The following SLC12A7 variants were observed in gnomAD, a reference collection of about 807,000 sequenced individuals.
SLC12A7 encodes solute carrier family 12 member 7, also known as K-Cl cotransporter 4.
SLC12A7 carries 100 observed loss-of-function variants against 120.6 expected under a neutral mutation model. The ratio of observed to expected loss-of-function variants is 0.83; its 90% CI spans 0.71 to 0.98. SLC12A7 has a LOEUF of 0.98. Among genes scored for constraint, SLC12A7 ranks in the 50% least tolerant of loss-of-function variants. The pLI is 0.00. For synonymous variants in SLC12A7, 760 were observed against 678.0 expected, an observed-to-expected ratio of 1.12 and a Z score of -1.88; for missense variants, 1,373 against 1,548.1, an observed-to-expected ratio of 0.89 and a Z score of 1.90.
rs1294057156 is a variant in SLC12A7 at position 1,057,519 on chromosome 5, C to T, written c.2978G>A (p.Ser993Asn). 1 of 1,613,412 alleles carries T rather than the reference C, an allele frequency of 6.2e-7. No homozygotes were observed. Among genetic ancestry groups the T allele is most frequent in the Admixed American group, 1.7e-5 (1 of 60,008 alleles). The part of the protein sequence containing the change: ...REKLIAEKYR[S>N]RDTSLSGFKD... ...GAAACCAGATAGGCTGGTGTCTCTG[C>T]TCCTGTACTTCTCAGCGATCAGCTT... Residue 993 changes from serine (S) to asparagine (N), a missense_variant, in exon 22 of 24, where the codon AGC (serine) becomes AAC (asparagine). Ser to Asn is a conservative substitution (Grantham distance 46). Coordinates refer to ENST00000264930, the MANE Select transcript of SLC12A7 (RefSeq NM_006598.3).
chr5:1,068,051 C>T (rs981623152), intron 17 of SLC12A7, among the ~76,000 whole-genome samples: 15 of 152,222 alleles, frequency 9.9e-5, no homozygotes, highest in African/African-American at 3.6e-4. Context: ...CAGTGCCACA[C>T]AGAACAGAGC....
At chr5:1,154,499 A>G in the SLC12A7 span, among the ~76,000 whole-genome samples, 3 of 151,972 alleles carry the variant, frequency 2.0e-5, no homozygotes, top group African/African-American at 4.8e-5. Flanking sequence ...ACATCACACT[A>G]TAGACATATA....
the SLC12A7 span, among the ~76,000 whole-genome samples, chr5:1,119,837 C>T: frequency 6.6e-6 from 1 of 152,260 alleles, no homozygotes; most frequent in East Asian, 1.9e-4. Flanking sequence ...GGGGCGGTGC[C>T]CAGCTTTGGG....
chr5:1,065,247 G>A, intron 18 of SLC12A7, 36 bp downstream of exon 18: 2 of 1,476,782 alleles, frequency 1.4e-6, no homozygotes, highest in Non-Finnish European at 1.8e-6. Context: ...AGAGGGGACG[G>A]TGAGGGGATG....
At chr5:1,107,185 G>A (rs749148195) in intron 1 of SLC12A7, among the ~76,000 whole-genome samples, 3 of 152,176 alleles carry the variant, frequency 2.0e-5, no homozygotes, top group Non-Finnish European at 4.4e-5. Flanking sequence ...GAATATTCAA[G>A]TTCTCAGCCT....
chr5:1,120,518 A>G, the SLC12A7 span, among the ~76,000 whole-genome samples: 1 of 152,218 alleles, frequency 6.6e-6, no homozygotes, highest in Non-Finnish European at 1.5e-5. Context: ...CTCCCCACAC[A>G]ACTGGAGGTC....
At chr5:1,096,013 T>C (rs1741098688) in intron 1 of SLC12A7, among the ~76,000 whole-genome samples, 1 of 152,066 alleles carries the variant, frequency 6.6e-6, no homozygotes, top group East Asian at 1.9e-4. Context: ...AAGCTCCAGG[T>C]GACAGAGACG....
At chr5:1,127,227 A>G in the SLC12A7 span, among the ~76,000 whole-genome samples, 1 of 152,182 alleles carries the variant, frequency 6.6e-6, no homozygotes, top group Non-Finnish European at 1.5e-5. Context: ...GTTGACCAGG[A>G]TAGTCTCGAT....
chr5:1,128,126 A>G, the SLC12A7 span, among the ~76,000 whole-genome samples: 12 of 152,324 alleles, frequency 7.9e-5, no homozygotes, highest in Non-Finnish European at 1.5e-4. Context: ...CTCATCCTTA[A>G]GGCAGGCTGG....
the SLC12A7 span, among the ~76,000 whole-genome samples, chr5:1,146,866 CT>C: frequency 6.6e-6 from 1 of 152,194 alleles, no homozygotes; most frequent in Non-Finnish European, 1.5e-5. This position sits in a 1 kb window ranked among gnomAD's most constrained non-coding sequence, Gnocchi z 6.5. Flanking sequence ...GCTGTCCCGC[CT>C]TTCTGGACCT....
In SLC12A7 at chr5:1,088,990, A is replaced by G; in HGVS notation, c.481T>C (p.Cys161Arg). 2 of 1,612,872 alleles carry G rather than the reference A, an allele frequency of 1.2e-6. No homozygotes were observed. Among genetic ancestry groups the G allele is most frequent in the Admixed American group, 3.3e-5 (2 of 60,028 alleles). Residue 161 changes from cysteine to arginine, a missense_variant, in exon 4 of 24, where the codon TGC becomes CGC. Coordinates refer to ENST00000264930, the MANE Select transcript of SLC12A7 (RefSeq NM_006598.3). ...LESFLIVAMCCTCTMLTAISM... is the reference protein window; with the variant it reads ...LESFLIVAMCRTCTMLTAISM... ...GGCCGGGGGAGACTCACACATGTGCAGCACATGGCCACGATGAGGAAGGAC... is the reference window on the plus strand; with the variant it reads ...GGCCGGGGGAGACTCACACATGTGCGGCACATGGCCACGATGAGGAAGGAC...
At position 1,080,994 on chromosome 5, in the gene SLC12A7, A is replaced by AGAC. The variant is rs201696700; in HGVS notation, c.1297+580_1297+582dup. Among the ~76,000 whole-genome samples, 28 of 106,540 alleles carry AGAC rather than the reference A, an allele frequency of 2.6e-4. 1 individual carries two copies. Among genetic ancestry groups the AGAC allele is most frequent in the South Asian group, 1.2e-3 (4 of 3,326 alleles). The allele number at this position is 106,540 out of a possible 152,430, so 69.9% of individuals were successfully genotyped here. On this transcript the variant is annotated intron_variant, in intron 9 of 23. Coordinates refer to ENST00000264930, the MANE Select transcript of SLC12A7 (RefSeq NM_006598.3). The stretch of plus-strand genomic sequence containing the variant: ...AGGAAGGAACACACTACAGAGAGAG[A>AGAC]GACAGAGAGAGAGACAGACAGACAG...
the SLC12A7 span, among the ~76,000 whole-genome samples, chr5:1,141,826 G>A: frequency 0.43 from 64,635 of 152,000 alleles, 15,145 homozygotes; most frequent in East Asian, 0.54. Flanking sequence ...CGCCGGGACA[G>A]ATCAACAGAT....
At chr5:1,077,354 T>C (rs534868455) in intron 12 of SLC12A7, among the ~76,000 whole-genome samples, 1 of 152,150 alleles carries the variant, frequency 6.6e-6, no homozygotes. Flanking sequence ...TGGGCCCAGG[T>C]AGCAGGAGGA....
intron 8 of SLC12A7, 111 bp downstream of exon 8, chr5:1,083,634 G>T: frequency 8.8e-7 from 1 of 1,135,660 alleles, no homozygotes; most frequent in Non-Finnish European, 1.3e-6. Flanking sequence ...GCTCGGCCAG[G>T]CAGGAGGAAT....
At chr5:1,082,287 G>A (rs555192711) in intron 8 of SLC12A7, among the ~76,000 whole-genome samples, 1 of 150,554 alleles carries the variant, frequency 6.6e-6, no homozygotes, top group Admixed American at 6.6e-5. Context: ...TCCCCGTCTC[G>A]GGTTCTGGAA....
the SLC12A7 span, among the ~76,000 whole-genome samples, chr5:1,133,308 G>C: frequency 6.6e-6 from 1 of 152,202 alleles, no homozygotes; most frequent in African/African-American, 2.4e-5. Context: ...ATGTGGGCAA[G>C]AGCTCCCCCC....
chr5:1,053,775 C>T (rs562894491), intron 22 of SLC12A7, among the ~76,000 whole-genome samples: 22 of 152,360 alleles, frequency 1.4e-4, no homozygotes, highest in South Asian at 1.2e-3. Flanking sequence ...CAACACAAAC[C>T]GCAAGCGCTT....
At position 1,053,262 on chromosome 5, in the gene SLC12A7, A is replaced by G. The variant is rs914887800; in HGVS notation, c.3160+87T>C. Reference sequence around the variant, plus strand: ...GAAGGAGAGGCGGGAAGCCAGCCTCACTCCCAGCACCCACAAACCCAGGTC... The same window carrying G: ...GAAGGAGAGGCGGGAAGCCAGCCTCGCTCCCAGCACCCACAAACCCAGGTC... On this transcript the variant is annotated intron_variant, in intron 23 of 23. Transcript: ENST00000264930. 8.2e-5 allele frequency: 122 copies of G among 1,480,910 alleles called. No homozygotes were observed. The East Asian group carries it at 2.9e-3, about 35-fold the overall frequency. 91.7% of individuals were successfully genotyped at this position (1,480,910 alleles called of 1,614,324 possible).
Sources: allele counts gnomAD v4.1 joint callset (sites outside exome capture counted in the v4.1 genomes callset), GRCh38; gene constraint gnomAD v4.1.1; non-coding constraint Gnocchi (gnomAD v3.1); transcripts MANE v1.5; gene names NCBI Gene and HGNC (gene_info 2026-07-23, HGNC 2026-07-21).